The following NBEA variants were observed in gnomAD, a reference collection of about 807,000 sequenced individuals.
NBEA encodes the protein neurobeachin, also known as lysosomal-trafficking regulator 2.
A neutral mutation model predicts 343.4 loss-of-function variants in NBEA; 44 were observed. That is an observed-to-expected ratio of 0.13 (90% CI 0.10 to 0.16). The LOEUF (loss-of-function observed/expected upper bound fraction) is 0.16, where lower values mean the gene tolerates loss of function less well. Ranked by LOEUF, NBEA falls within the 10% of genes least tolerant of loss-of-function variation. The pLI is 1.00. For missense variants in NBEA, 2,555 were observed against 3,631.3 expected (o/e 0.70, Z 7.62); for synonymous variants, 1,175 against 1,238.7 (o/e 0.95, Z 1.08).
chr13:35,632,365 G>T (rs538728190), intron 49 of NBEA, among the ~76,000 whole-genome samples: 1 of 152,062 alleles, frequency 6.6e-6, no homozygotes, highest in Non-Finnish European at 1.5e-5. Context: ...GAACTTGCTA[G>T]AACTTCAGCC....
intron 36 of NBEA, among the ~76,000 whole-genome samples, chr13:35,332,565 C>T (rs2038989539): frequency 6.6e-6 from 1 of 151,920 alleles, no homozygotes. Context: ...TGTAGACAGA[C>T]ATTTCTATAT....
At chr13:35,425,521 A>T (rs1446306296) in intron 38 of NBEA, among the ~76,000 whole-genome samples, 6 of 152,170 alleles carry the variant, frequency 3.9e-5, no homozygotes, top group Middle Eastern at 3.2e-3. Context: ...ACAGTTTGTT[A>T]TAATTTCTGT....
intron 34 of NBEA, among the ~76,000 whole-genome samples, chr13:35,258,190 A>G (rs879450915): frequency 1.3e-5 from 2 of 149,894 alleles, no homozygotes; most frequent in Admixed American, 6.6e-5. Context: ...TTTTTTTTAA[A>G]CAACATCTCG....
intron 38 of NBEA, among the ~76,000 whole-genome samples, chr13:35,414,733 T>A (rs1318388034): frequency 3.3e-5 from 5 of 152,212 alleles, no homozygotes; most frequent in Non-Finnish European, 7.3e-5. Context: ...TATAATCCTT[T>A]GGGAATATGC....
intron 1 of NBEA, among the ~76,000 whole-genome samples, chr13:34,964,968 C>T (rs1041240793): frequency 6.6e-6 from 1 of 151,990 alleles, no homozygotes; most frequent in Non-Finnish European, 1.5e-5. Context: ...AATGACTTAT[C>T]TAGGAAACTA....
In NBEA at chr13:35,019,905, G is replaced by A. The variant is rs761118265; in HGVS notation, c.295-21028G>A. On this transcript the variant is annotated intron_variant, in intron 1 of 58. Coordinates refer to ENST00000379939, the MANE Select transcript of NBEA (RefSeq NM_001385012.1). The stretch of plus-strand genomic sequence containing the variant: ...TGGTTCTCTTTGCCTCCCTCCAGCC[G>A]CTCCAGCTGTCCCACACCTCTTTGC... Among the ~76,000 whole-genome samples the A allele has an allele frequency of 1.3e-3, 192 of 152,126 alleles. 1 individual carries two copies. The highest frequency in any genetic ancestry group is 1.6e-3 in the Non-Finnish European group (112 of 68,012).
intron 55 of NBEA, among the ~76,000 whole-genome samples, chr13:35,664,261 C>T (rs1040103258): frequency 6.6e-6 from 1 of 152,108 alleles, no homozygotes; most frequent in African/African-American, 2.4e-5. Context: ...GTAGTTCAAC[C>T]TAGGAGGCAG....
At chr13:35,324,350 C>G (rs1013223563) in intron 36 of NBEA, among the ~76,000 whole-genome samples, 9 of 152,152 alleles carry the variant, frequency 5.9e-5, no homozygotes, top group African/African-American at 1.9e-4. Flanking sequence ...AAAATAAGAA[C>G]ACGTAACTGA....
intron 17 of NBEA, among the ~76,000 whole-genome samples, chr13:35,129,916 C>T (rs932420511): frequency 2.0e-5 from 3 of 151,984 alleles, no homozygotes; most frequent in African/African-American, 7.2e-5. Context: ...CAATATAGTA[C>T]ATATTTGTGA....
At chr13:35,481,415 G>T (rs1477329012) in intron 41 of NBEA, among the ~76,000 whole-genome samples, 1 of 151,602 alleles carries the variant, frequency 6.6e-6, no homozygotes, top group East Asian at 1.9e-4. Flanking sequence ...ATTTGCATAT[G>T]TACACAGAGG....
chr13:35,134,842 C>G (rs1398997463), intron 17 of NBEA, among the ~76,000 whole-genome samples: 1 of 151,766 alleles, frequency 6.6e-6, no homozygotes, highest in Non-Finnish European at 1.5e-5. Context: ...TTTCCCATAC[C>G]TCATTGAGAT....
At chr13:34,976,473 A>G (rs2060177927) in intron 1 of NBEA, among the ~76,000 whole-genome samples, 1 of 152,164 alleles carries the variant, frequency 6.6e-6, no homozygotes, top group Non-Finnish European at 1.5e-5. Context: ...GGTACAGTGT[A>G]CACTGGTCTG....
chr13:35,249,124 G>A (rs1364783616), intron 34 of NBEA, among the ~76,000 whole-genome samples: 1 of 134,266 alleles, frequency 7.4e-6, no homozygotes, highest in African/African-American at 2.8e-5. Context: ...ACTCCAGCCT[G>A]GACAAAAAAA....
chr13:35,471,909 C>G (rs548374795), intron 40 of NBEA, among the ~76,000 whole-genome samples: 6 of 152,276 alleles, frequency 3.9e-5, no homozygotes, highest in Admixed American at 3.9e-4. Context: ...AGGCAAACCG[C>G]TCTGAACAGC....
At chr13:35,651,009 C>A (rs2084494470) in intron 52 of NBEA, among the ~76,000 whole-genome samples, 1 of 152,202 alleles carries the variant, frequency 6.6e-6, no homozygotes, top group African/African-American at 2.4e-5. Flanking sequence ...GGTAACGCTA[C>A]TTCCATTCCA....
intron 38 of NBEA, among the ~76,000 whole-genome samples, chr13:35,413,599 C>CT (rs1450257398): frequency 6.6e-6 from 1 of 152,090 alleles, no homozygotes; most frequent in African/African-American, 2.4e-5. Context: ...ATTGAGGAAA[C>CT]TATGAGTACC....
intron 1 of NBEA, among the ~76,000 whole-genome samples, chr13:34,983,973 G>A (rs922676867): frequency 6.6e-6 from 1 of 152,112 alleles, no homozygotes; most frequent in African/African-American, 2.4e-5. Context: ...TAGGTAGCCT[G>A]TTCACTCTGA....
chr13:35,156,678 T>C (rs1421077626), intron 20 of NBEA, among the ~76,000 whole-genome samples: 3 of 152,156 alleles, frequency 2.0e-5, no homozygotes, highest in African/African-American at 4.8e-5. Context: ...CAAATATTGA[T>C]TGAGTGCCTA....
chr13:35,386,606 A>G (rs569672062), intron 38 of NBEA, among the ~76,000 whole-genome samples: 2 of 152,276 alleles, frequency 1.3e-5, no homozygotes, highest in South Asian at 4.1e-4. Context: ...AATTGAGAAC[A>G]GGCAAAATGA....
Sources: gnomAD v4.1 joint callset for allele counts (sites outside exome capture counted in the v4.1 genomes callset) on GRCh38, gnomAD v4.1.1 for gene constraint, MANE v1.5 for transcripts, NCBI Gene and HGNC (gene_info 2026-07-23, HGNC 2026-07-21) for gene names.